C12orf54: variants seen among roughly 807,000 people sequenced by gnomAD.
The protein encoded by C12orf54 is chromosome 12 open reading frame 54.
A neutral mutation model predicts 26.4 loss-of-function variants in C12orf54; 24 were observed. That is an observed-to-expected ratio of 0.91 (90% confidence interval 0.66 to 1.28). C12orf54 has a LOEUF of 1.28. C12orf54 is among the 50% of genes most tolerant of loss of function. C12orf54 has a pLI of 0.00. For synonymous variants in C12orf54, 54 were observed against 47.0 expected, an observed-to-expected ratio of 1.15 and a Z score of -0.61; for missense variants, 154 against 150.9, an observed-to-expected ratio of 1.02 and a Z score of -0.11.
chr12:48,431,908 C>T, the C12orf54 span, among the ~76,000 whole-genome samples: 120 of 152,194 alleles, frequency 7.9e-4, no homozygotes, highest in African/African-American at 2.8e-3. Flanking sequence ...GTGCAAAACT[C>T]TGTAAATATG....
chr12:48,487,888 G>A, intron 4 of C12orf54: 1 of 580,382 alleles, frequency 1.7e-6, no homozygotes, highest in Non-Finnish European at 3.1e-6. Context: ...CACAGTAGGT[G>A]GATATTTGGT....
chr12:48,466,300 T>C, the C12orf54 span, among the ~76,000 whole-genome samples: 1 of 152,152 alleles, frequency 6.6e-6, no homozygotes, highest in East Asian at 1.9e-4. Context: ...TCCCAACACT[T>C]TGGGAGGCCT....
the C12orf54 span, among the ~76,000 whole-genome samples, chr12:48,452,900 A>G: frequency 3.9e-5 from 6 of 152,210 alleles, no homozygotes; most frequent in Non-Finnish European, 7.3e-5. Context: ...GGGAGTGTAA[A>G]TTAGTTCAAC....
the C12orf54 span, among the ~76,000 whole-genome samples, chr12:48,424,117 T>C: frequency 6.6e-6 from 1 of 152,118 alleles, no homozygotes; most frequent in Non-Finnish European, 1.5e-5. Flanking sequence ...TATGCTTTTC[T>C]TTTCTGGTCT....
chr12:48,466,585 C>G, the C12orf54 span, among the ~76,000 whole-genome samples: 1 of 151,422 alleles, frequency 6.6e-6, no homozygotes, highest in Non-Finnish European at 1.5e-5. Flanking sequence ...TGAAAAGATG[C>G]TTAACACGAT....
chr12:48,485,927 C>A (rs571228821), intron 2 of C12orf54, among the ~76,000 whole-genome samples: 4 of 152,288 alleles, frequency 2.6e-5, no homozygotes, highest in African/African-American at 9.6e-5. Context: ...ATCACCTTCA[C>A]TTCCATTGTT....
intron 7 of C12orf54, among the ~76,000 whole-genome samples, chr12:48,493,937 G>T (rs1398289281): frequency 6.6e-6 from 1 of 151,092 alleles, no homozygotes; most frequent in African/African-American, 2.4e-5. Flanking sequence ...AAAAAAATTA[G>T]GCCAGGTGCG....
chr12:48,443,356 T>G, the C12orf54 span, among the ~76,000 whole-genome samples: 2 of 152,142 alleles, frequency 1.3e-5, no homozygotes, highest in African/African-American at 2.4e-5. Flanking sequence ...TGGCTTTAGG[T>G]GGGAGCATGT....
At chr12:48,452,816 C>G in the C12orf54 span, among the ~76,000 whole-genome samples, 1 of 152,052 alleles carries the variant, frequency 6.6e-6, no homozygotes, top group Non-Finnish European at 1.5e-5. Context: ...CCATCTCACA[C>G]CAGAATGTCT....
chr12:48,432,725 C>T, the C12orf54 span, among the ~76,000 whole-genome samples: 5 of 152,054 alleles, frequency 3.3e-5, no homozygotes, highest in Admixed American at 3.3e-4. Flanking sequence ...CAAAATTAGC[C>T]AGGCGTGGTG....
chr12:48,458,071 C>T, the C12orf54 span, among the ~76,000 whole-genome samples: 2 of 152,218 alleles, frequency 1.3e-5, no homozygotes, highest in Non-Finnish European at 2.9e-5. Context: ...CACCTACAGA[C>T]TTTTGAAGAA....
chr12:48,476,772 C>T, the C12orf54 span, among the ~76,000 whole-genome samples: 2 of 152,136 alleles, frequency 1.3e-5, no homozygotes, highest in Non-Finnish European at 2.9e-5. Flanking sequence ...TACAAACAGA[C>T]TTAGACTCCC....
chr12:48,422,158 C>T, the C12orf54 span, among the ~76,000 whole-genome samples: 28 of 152,232 alleles, frequency 1.8e-4, no homozygotes, highest in African/African-American at 6.7e-4. Context: ...CTCAGATTCT[C>T]TAATGAATAT....
At chr12:48,440,107 C>T in the C12orf54 span, among the ~76,000 whole-genome samples, 1 of 151,842 alleles carries the variant, frequency 6.6e-6, no homozygotes, top group African/African-American at 2.4e-5. Context: ...CGCCTGTAAT[C>T]CCAGCTACTC....
chr12:48,441,530 C>G, the C12orf54 span, among the ~76,000 whole-genome samples: 1 of 151,740 alleles, frequency 6.6e-6, no homozygotes, highest in African/African-American at 2.4e-5. Context: ...GGACCAGTCA[C>G]TGTGCCAGGA....
chr12:48,434,238 G>C, the C12orf54 span, among the ~76,000 whole-genome samples: 1 of 152,214 alleles, frequency 6.6e-6, no homozygotes, highest in Admixed American at 6.5e-5. Flanking sequence ...ATTGCCCAGG[G>C]TTGAGTAGGT....
At chr12:48,474,755 G>A in the C12orf54 span, among the ~76,000 whole-genome samples, 28 of 152,378 alleles carry the variant, frequency 1.8e-4, no homozygotes, top group African/African-American at 6.5e-4. Flanking sequence ...CGGGAAGCAC[G>A]AACTGGGTGG....
chr12:48,462,967 T>C, the C12orf54 span, among the ~76,000 whole-genome samples: 1 of 151,894 alleles, frequency 6.6e-6, no homozygotes, highest in Non-Finnish European at 1.5e-5. Flanking sequence ...TGCTTATTCA[T>C]AGACAACATG....
At chr12:48,431,160 G>C in the C12orf54 span, among the ~76,000 whole-genome samples, 3 of 152,068 alleles carry the variant, frequency 2.0e-5, no homozygotes, top group Admixed American at 6.6e-5. Context: ...AGGGTGGTGG[G>C]GGAGGGATAA....
Sources: allele counts gnomAD v4.1 joint callset (sites outside exome capture counted in the v4.1 genomes callset), GRCh38; gene constraint gnomAD v4.1.1; transcripts MANE v1.5; gene names NCBI Gene and HGNC (gene_info 2026-07-23, HGNC 2026-07-21).